The following ARID5B variants were observed in gnomAD, a reference collection of about 807,000 sequenced individuals.
The protein encoded by ARID5B is AT-rich interactive domain-containing protein 5B.
A neutral mutation model predicts 97.2 loss-of-function variants in ARID5B; 13 were observed. The observed-to-expected ratio is 0.13, with a 90% CI of 0.09 to 0.21. The LOEUF (loss-of-function observed/expected upper bound fraction) is 0.21, where lower values mean the gene tolerates loss of function less well. Ranked by LOEUF, ARID5B falls within the 10% of genes least tolerant of loss-of-function variation. The pLI is 1.00. For synonymous variants in ARID5B, 556 were observed against 570.3 expected, an observed-to-expected ratio of 0.97 and a Z score of 0.36; for missense variants, 1,210 against 1,465.3, an observed-to-expected ratio of 0.83 and a Z score of 2.84.
chr10:62,004,603 C>A (rs1353590775), intron 4 of ARID5B, among the ~76,000 whole-genome samples: 1 of 152,188 alleles, frequency 6.6e-6, no homozygotes, highest in Non-Finnish European at 1.5e-5. Context: ...CAACCCCTAC[C>A]TTGCTTTTAC....
intron 4 of ARID5B, among the ~76,000 whole-genome samples, chr10:62,027,255 T>TGTA (rs887382775): frequency 1.4e-5 from 2 of 145,560 alleles, no homozygotes; most frequent in Non-Finnish European, 3.0e-5. Context: ...AAGTCTTCAC[T>TGTA]GTAGTGATGC....
In ARID5B at chr10:61,942,761, C is replaced by T. The variant is rs531825304; in HGVS notation, c.502+2353C>T. Among the ~76,000 whole-genome samples the T allele has an allele frequency of 5.4e-4, 82 of 152,284 alleles. 1 individual carries two copies. The highest frequency in any genetic ancestry group is 1.9e-3 in the African/African-American group (77 of 41,564). On this transcript the variant is annotated intron_variant, in intron 3 of 9. Coordinates refer to ENST00000279873, the MANE Select transcript of ARID5B (RefSeq NM_032199.3). ...GAGCCGAAATCATCACACCTTTGCA[C>T]TCCAGCCTGGGCGACAACAGCGAGG...
chr10:61,921,137 G>A (rs189068505), intron 2 of ARID5B, among the ~76,000 whole-genome samples: 15 of 152,330 alleles, frequency 9.8e-5, no homozygotes, highest in Admixed American at 3.3e-4. Context: ...ACAATGGTGT[G>A]TAAATGTGTC....
intron 4 of ARID5B, among the ~76,000 whole-genome samples, chr10:62,043,647 G>T (rs1195651701): frequency 6.6e-6 from 1 of 152,212 alleles, no homozygotes; most frequent in East Asian, 1.9e-4. Context: ...TGGGGGAAGG[G>T]TAGAAGTAAA....
At chr10:61,979,490 A>G (rs953419135) in intron 3 of ARID5B, among the ~76,000 whole-genome samples, 1 of 152,162 alleles carries the variant, frequency 6.6e-6, no homozygotes, top group Non-Finnish European at 1.5e-5. Flanking sequence ...CACTAACGTC[A>G]TCACTCCCAG....
At chr10:62,059,185 A>C in intron 6 of ARID5B, 58 bp from the exon 7 acceptor site, 2 of 1,345,928 alleles carry the variant, frequency 1.5e-6, no homozygotes, top group Non-Finnish European at 1.0e-6. Context: ...TTTAATTGAC[A>C]TTTCTTGGAA....
chr10:62,087,174 C>T (rs1840298052), intron 9 of ARID5B, among the ~76,000 whole-genome samples: 1 of 151,092 alleles, frequency 6.6e-6, no homozygotes, highest in African/African-American at 2.4e-5. Flanking sequence ...TGGTGGGCAC[C>T]TGTAGTCCCA....
intron 3 of ARID5B, among the ~76,000 whole-genome samples, chr10:61,972,442 T>A (rs1394025273): frequency 6.6e-6 from 1 of 152,128 alleles, no homozygotes; most frequent in Non-Finnish European, 1.5e-5. Context: ...TTGGCCAGGC[T>A]GGTCTCAAAC....
intron 2 of ARID5B, among the ~76,000 whole-genome samples, chr10:61,912,827 A>C (rs1448801050): frequency 6.6e-6 from 1 of 152,018 alleles, no homozygotes; most frequent in East Asian, 1.9e-4. Context: ...GTTACCCCCC[A>C]GTTGCTTGTC....
intron 2 of ARID5B, among the ~76,000 whole-genome samples, chr10:61,921,007 G>T (rs963124794): frequency 6.6e-6 from 1 of 152,186 alleles, no homozygotes; most frequent in Admixed American, 6.5e-5. Context: ...TAGGATTTAG[G>T]CAGTTGCATG....
chr10:62,013,777 A>C (rs978194039), intron 4 of ARID5B, among the ~76,000 whole-genome samples: 10 of 139,906 alleles, frequency 7.1e-5, no homozygotes, highest in Non-Finnish European at 1.4e-4. Flanking sequence ...TTTTAAGGCT[A>C]AATAGTATTC....
rs1840037760 is a variant in ARID5B at position 62,069,741 on chromosome 10, A to G, written c.1143A>G (p.Leu381=). ...RRQWKHIYDE[L]GGNPGSTSAA... Reference sequence around the variant, plus strand: ...AGTGGAAACATATTTATGATGAATTAGGCGGTAATCCTGGGAGCACCAGCG... The same window carrying G: ...AGTGGAAACATATTTATGATGAATTGGGCGGTAATCCTGGGAGCACCAGCG... The change falls in exon 8 of 10, where the codon TTA becomes TTG. Residue 381 remains leucine, a synonymous_variant. Transcript: ENST00000279873. The G allele has an allele frequency of 5.0e-6, 8 of 1,614,124 alleles. No homozygotes were observed. Among genetic ancestry groups the G allele is most frequent in the Non-Finnish European group, 5.1e-6 (6 of 1,179,976 alleles).
chr10:61,930,123 G>T (rs1380389245), intron 2 of ARID5B, among the ~76,000 whole-genome samples: 6 of 152,218 alleles, frequency 3.9e-5, no homozygotes, highest in Non-Finnish European at 5.9e-5. Context: ...GGAGTGATAT[G>T]CAGAGAAAGA....
At chr10:61,906,601 A>G (rs1843712177) in intron 2 of ARID5B, among the ~76,000 whole-genome samples, 2 of 152,224 alleles carry the variant, frequency 1.3e-5, no homozygotes, top group African/African-American at 4.8e-5. Flanking sequence ...AATGATGTCC[A>G]GGAGTCAAGA....
At chr10:61,918,850 A>T (rs899610542) in intron 2 of ARID5B, among the ~76,000 whole-genome samples, 1 of 152,128 alleles carries the variant, frequency 6.6e-6, no homozygotes, top group Non-Finnish European at 1.5e-5. Flanking sequence ...CCTGGCCAAC[A>T]TGGTGAAACC....
chr10:62,032,085 T>A (rs375247313), intron 4 of ARID5B, among the ~76,000 whole-genome samples: 7 of 152,074 alleles, frequency 4.6e-5, no homozygotes, highest in African/African-American at 1.7e-4. Context: ...CCAGCTAATC[T>A]GGAGGCTGAG....
At chr10:61,919,600 C>T (rs12768290) in intron 2 of ARID5B, among the ~76,000 whole-genome samples, 7 of 152,338 alleles carry the variant, frequency 4.6e-5, no homozygotes, top group Non-Finnish European at 8.8e-5. Context: ...GAAAACACTG[C>T]TGTAGTACTC....
rs867503137 is a variant in ARID5B at position 61,919,044 on chromosome 10, C to A, written c.276+16631C>A. ...GACAGAGCCTGACTCCGTCCCCCCC[C>A]CCCCCCCCAAAAAAATAAAAGGTGC... On this transcript the variant is annotated intron_variant, in intron 2 of 9. Coordinates refer to ENST00000279873, the MANE Select transcript of ARID5B (RefSeq NM_032199.3). 5.3e-3 allele frequency among the ~76,000 whole-genome samples: 600 copies of A among 113,874 alleles called. 24 individuals are homozygous for A. Among genetic ancestry groups the A allele is most frequent in the African/African-American group, 8.7e-3 (261 of 29,850 alleles). The allele number at this position is 113,874 out of a possible 152,430, so 74.7% of individuals were successfully genotyped here. A position where few individuals can be genotyped will look rare whatever the true frequency, so the allele number is the denominator to read the frequency against.
chr10:62,087,972 C>A (rs9415638), intron 9 of ARID5B, among the ~76,000 whole-genome samples: 121,351 of 151,422 alleles, frequency 0.8, 49,213 homozygotes, highest in Middle Eastern at 0.93. Context: ...TCAAGCAATT[C>A]TCCTGCCTCA....
Sources: gnomAD v4.1 joint callset for allele counts (sites outside exome capture counted in the v4.1 genomes callset) on GRCh38, gnomAD v4.1.1 for gene constraint, MANE v1.5 for transcripts, NCBI Gene and HGNC (gene_info 2026-07-23, HGNC 2026-07-21) for gene names.